Variants in ARB2A observed in about 807,000 individuals in gnomAD.
The protein encoded by ARB2A is ARB2 cotranscriptional regulator A, also known as cotranscriptional regulator ARB2A.
the ARB2A span, among the ~76,000 whole-genome samples, chr5:93,748,222 C>T: frequency 1.3e-5 from 2 of 152,108 alleles, no homozygotes; most frequent in East Asian, 3.9e-4. Context: ...TATTAAAGAA[C>T]TGATAGGCTT....
chr5:93,688,437 C>T, the ARB2A span, among the ~76,000 whole-genome samples: 3 of 152,296 alleles, frequency 2.0e-5, no homozygotes, highest in South Asian at 6.2e-4. Context: ...TCTTCACATT[C>T]GGACTAGCTA....
chr5:93,705,749 A>G, the ARB2A span, among the ~76,000 whole-genome samples: 1 of 151,910 alleles, frequency 6.6e-6, no homozygotes, highest in Non-Finnish European at 1.5e-5. Flanking sequence ...TTAAGCAACT[A>G]TTGGTCAGAG....
At chr5:93,679,859 A>C in the ARB2A span, among the ~76,000 whole-genome samples, 1 of 152,140 alleles carries the variant, frequency 6.6e-6, no homozygotes, top group Non-Finnish European at 1.5e-5. Context: ...TTTAGAGCAT[A>C]ATGTGGGAGA....
At chr5:94,033,550 G>T in the ARB2A span, among the ~76,000 whole-genome samples, 1 of 151,992 alleles carries the variant, frequency 6.6e-6, no homozygotes, top group Non-Finnish European at 1.5e-5. Flanking sequence ...TCAGCCTCCC[G>T]AGTAGCTGGG....
chr5:93,659,729 C>G, the ARB2A span, among the ~76,000 whole-genome samples: 1 of 152,086 alleles, frequency 6.6e-6, no homozygotes, highest in African/African-American at 2.4e-5. Flanking sequence ...GAAACAGTAA[C>G]AAGGGCTGTA....
At chr5:93,991,733 G>T in the ARB2A span, among the ~76,000 whole-genome samples, 5 of 151,924 alleles carry the variant, frequency 3.3e-5, no homozygotes, top group African/African-American at 4.8e-5. Context: ...TCAAATAAAA[G>T]ATTGGCAAGA....
chr5:93,889,390 C>A, the ARB2A span, among the ~76,000 whole-genome samples: 1 of 151,790 alleles, frequency 6.6e-6, no homozygotes, highest in Non-Finnish European at 1.5e-5. Flanking sequence ...CTAACAGGTG[C>A]AAATGAGTAT....
chr5:93,926,462 A>G, the ARB2A span, among the ~76,000 whole-genome samples: 1 of 152,082 alleles, frequency 6.6e-6, no homozygotes, highest in African/African-American at 2.4e-5. Context: ...TATAATTTTA[A>G]TATGCCTTAT....
the ARB2A span, among the ~76,000 whole-genome samples, chr5:93,756,975 A>C: frequency 1.3e-5 from 2 of 152,188 alleles, no homozygotes; most frequent in Admixed American, 1.3e-4. Context: ...AATCCAAAAA[A>C]TGATATAAGA....
chr5:93,625,266 C>T, the ARB2A span, among the ~76,000 whole-genome samples: 1 of 151,962 alleles, frequency 6.6e-6, no homozygotes, highest in Admixed American at 6.6e-5. Context: ...TTAACAATCT[C>T]GTAAGTAGGT....
At chr5:94,012,167 C>CCAAG in the ARB2A span, among the ~76,000 whole-genome samples, 1 of 152,042 alleles carries the variant, frequency 6.6e-6, no homozygotes, top group South Asian at 2.1e-4. Flanking sequence ...CTTTGGGAGG[C>CCAAG]CAAGGCGGGC....
the ARB2A span, among the ~76,000 whole-genome samples, chr5:93,848,798 T>C: frequency 6.6e-6 from 1 of 152,238 alleles, no homozygotes; most frequent in Non-Finnish European, 1.5e-5. Flanking sequence ...TGTCACATAG[T>C]GACCTTGCTG....
the ARB2A span, among the ~76,000 whole-genome samples, chr5:93,621,644 T>A: frequency 6.6e-6 from 1 of 152,198 alleles, no homozygotes; most frequent in East Asian, 1.9e-4. Context: ...GCCTGTTTCC[T>A]TGCTTCCCAA....
At chr5:93,855,860 G>A in the ARB2A span, among the ~76,000 whole-genome samples, 27 of 151,774 alleles carry the variant, frequency 1.8e-4, no homozygotes, top group African/African-American at 4.8e-4. Flanking sequence ...CCACAAAGAT[G>A]GGGAAAAAAC....
At chr5:93,752,024 C>G in the ARB2A span, among the ~76,000 whole-genome samples, 1 of 152,076 alleles carries the variant, frequency 6.6e-6, no homozygotes. Context: ...GCTGGAAGGA[C>G]AGAGTCTTCA....
chr5:93,808,383 C>T, the ARB2A span, among the ~76,000 whole-genome samples: 20 of 146,890 alleles, frequency 1.4e-4, no homozygotes, highest in African/African-American at 4.5e-4. Context: ...TGTTTGTATT[C>T]GAGAACAGGA....
chr5:94,041,385 T>A, the ARB2A span, among the ~76,000 whole-genome samples: 1 of 152,100 alleles, frequency 6.6e-6, no homozygotes, highest in Non-Finnish European at 1.5e-5. Flanking sequence ...CCGTGCTTTC[T>A]CTTTTCACAA....
chr5:93,881,343 G>A, the ARB2A span: 189 of 667,474 alleles, frequency 2.8e-4, no homozygotes, highest in Non-Finnish European at 4.1e-4. Flanking sequence ...CCAAGTAGAC[G>A]ACTATGGGAA....
At chr5:93,719,335 CT>C in the ARB2A span, among the ~76,000 whole-genome samples, 12 of 152,118 alleles carry the variant, frequency 7.9e-5, no homozygotes, top group Admixed American at 7.2e-4. Flanking sequence ...AATCTTAGAG[CT>C]GGAAAGTATA....
Sources: allele counts gnomAD v4.1 joint callset (sites outside exome capture counted in the v4.1 genomes callset), GRCh38; gene constraint gnomAD v4.1.1; transcripts MANE v1.5; gene names NCBI Gene and HGNC (gene_info 2026-07-23, HGNC 2026-07-21).